ROBO2: variants seen among roughly 807,000 people sequenced by gnomAD.
ROBO2 encodes roundabout guidance receptor 2.
ROBO2 carries 53 observed loss-of-function variants against 160.8 expected under a neutral mutation model. That is an observed-to-expected ratio of 0.33 (90% CI 0.26 to 0.41). ROBO2 has a LOEUF of 0.41. ROBO2 is among the 10% of genes least tolerant of loss of function. The probability of loss-of-function intolerance (pLI) is 1.00; values close to 1 mark genes in which losing one functional copy is unlikely to be tolerated. For missense variants in ROBO2, 1,577 were observed against 1,722.4 expected, an observed-to-expected ratio of 0.92 and a Z score of 1.49; for synonymous variants, 664 against 611.7, an observed-to-expected ratio of 1.09 and a Z score of -1.26.
At chr3:76,862,446 A>G (rs2070888628) in intron 2 of ROBO2, among the ~76,000 whole-genome samples, 1 of 152,146 alleles carries the variant, frequency 6.6e-6, no homozygotes, top group Admixed American at 6.6e-5. Flanking sequence ...TAAGGAAATA[A>G]GAATCCAAAT....
In ROBO2 at chr3:76,386,595, A is replaced by G. The variant is rs569333589; in HGVS notation, c.109+448993A>G. Among the ~76,000 whole-genome samples the G allele has an allele frequency of 3.3e-5, 5 of 152,208 alleles. No homozygotes were observed. The East Asian group carries it at 7.8e-4, about 24-fold the overall frequency. On this transcript the variant is annotated intron_variant, in intron 2 of 26. Coordinates refer to the ROBO2 transcript ENST00000487694. ...TTCTTCAAAATGAGGCCAATTGTCT[A>G]TGTTGATCCTAGTGTGGCAGATGTT...
At chr3:76,084,999 A>G (rs1436296718) in intron 2 of ROBO2, among the ~76,000 whole-genome samples, 1 of 152,062 alleles carries the variant, frequency 6.6e-6, no homozygotes, top group African/African-American at 2.4e-5. Context: ...AATTTATGCA[A>G]CCTCATGTAA....
At chr3:76,676,482 T>C (rs2092411630) in intron 2 of ROBO2, among the ~76,000 whole-genome samples, 2 of 152,208 alleles carry the variant, frequency 1.3e-5, no homozygotes, top group South Asian at 4.1e-4. Context: ...AACGGACTAA[T>C]ACAACAAGGT....
chr3:76,321,849 T>C (rs1014101354), intron 2 of ROBO2, among the ~76,000 whole-genome samples: 3 of 152,132 alleles, frequency 2.0e-5, no homozygotes, highest in Non-Finnish European at 4.4e-5. Flanking sequence ...CTGTGTGCGT[T>C]ACCTGGGTGA....
At chr3:77,377,051 T>C (rs1259115842) in intron 2 of ROBO2, among the ~76,000 whole-genome samples, 3 of 152,352 alleles carry the variant, frequency 2.0e-5, no homozygotes, top group Admixed American at 6.5e-5. Flanking sequence ...TTAACAGTTC[T>C]TGTTTATTAA....
At chr3:75,961,412 A>C (rs1948906248) in intron 2 of ROBO2, among the ~76,000 whole-genome samples, 2 of 151,698 alleles carry the variant, frequency 1.3e-5, no homozygotes, top group African/African-American at 4.8e-5. Context: ...ACTCTGATAC[A>C]TTGCTAAGGA....
chr3:77,100,516 AG>A (rs950848631), intron 2 of ROBO2, among the ~76,000 whole-genome samples: 11 of 151,934 alleles, frequency 7.2e-5, no homozygotes, highest in Admixed American at 6.6e-4. Context: ...AAAATGACAG[AG>A]GAACAGCTGT....
intron 2 of ROBO2, among the ~76,000 whole-genome samples, chr3:76,642,904 A>G (rs1203278513): frequency 6.6e-6 from 1 of 152,232 alleles, no homozygotes; most frequent in Non-Finnish European, 1.5e-5. Context: ...CATTACTAAA[A>G]AAATCATTAA....
At chr3:77,184,056 T>C (rs954225722) in intron 2 of ROBO2, among the ~76,000 whole-genome samples, 1 of 151,978 alleles carries the variant, frequency 6.6e-6, no homozygotes, top group Non-Finnish European at 1.5e-5. Flanking sequence ...ATAAAAATAT[T>C]TATAGCTCTG....
intron 2 of ROBO2, among the ~76,000 whole-genome samples, chr3:77,005,022 T>C (rs1166333493): frequency 6.7e-6 from 1 of 148,988 alleles, no homozygotes; most frequent in Non-Finnish European, 1.5e-5. Context: ...AAACCATGGC[T>C]TCGGGGCTGC....
At chr3:76,677,932 T>G (rs1039098094) in intron 2 of ROBO2, among the ~76,000 whole-genome samples, 2 of 146,666 alleles carry the variant, frequency 1.4e-5, no homozygotes, top group Non-Finnish European at 3.0e-5. Flanking sequence ...TAGGATCTAT[T>G]TTCTCTCACA....
At chr3:77,444,693 G>C (rs1340114667) in intron 2 of ROBO2, among the ~76,000 whole-genome samples, 1 of 152,040 alleles carries the variant, frequency 6.6e-6, no homozygotes, top group Non-Finnish European at 1.5e-5. Context: ...AGTGGATGAC[G>C]TATAAAATCC....
At chr3:76,555,411 GAAGAAGAAA>G (rs1560141349) in intron 2 of ROBO2, among the ~76,000 whole-genome samples, 43 of 72,010 alleles carry the variant, frequency 6.0e-4, no homozygotes, top group African/African-American at 1.2e-3. Flanking sequence ...AGAAGAAGAA[GAAGAAGAAA>G]GAAGGAGAAG....
chr3:77,541,645 C>A (rs1040764491), intron 6 of ROBO2, among the ~76,000 whole-genome samples: 2 of 152,184 alleles, frequency 1.3e-5, no homozygotes, highest in African/African-American at 4.8e-5. Flanking sequence ...GTTGATTAAA[C>A]ACTAAATTGT....
intron 4 of ROBO2, among the ~76,000 whole-genome samples, chr3:77,482,482 A>G (rs2084823143): frequency 6.6e-6 from 1 of 152,176 alleles, no homozygotes; most frequent in South Asian, 2.1e-4. Context: ...CCTTTCAATC[A>G]TTCTGAGCAC....
intron 2 of ROBO2, among the ~76,000 whole-genome samples, chr3:76,566,355 C>G (rs192410389): frequency 6.6e-6 from 1 of 152,208 alleles, no homozygotes; most frequent in Non-Finnish European, 1.5e-5. Context: ...GGAGGCACAC[C>G]CCAGAGGCCT....
chr3:77,233,836 T>C (rs563846103), intron 2 of ROBO2, among the ~76,000 whole-genome samples: 1 of 152,336 alleles, frequency 6.6e-6, no homozygotes, highest in East Asian at 1.9e-4. Flanking sequence ...ATGAAATTTA[T>C]TTGCTTCTAA....
chr3:77,090,293 A>T (rs1388859574), intron 1 of ROBO2, among the ~76,000 whole-genome samples: 1 of 127,564 alleles, frequency 7.8e-6, no homozygotes, highest in Non-Finnish European at 1.7e-5. Flanking sequence ...TGATCCATAT[A>T]TATGATTTCT....
intron 2 of ROBO2, among the ~76,000 whole-genome samples, chr3:77,020,849 A>C (rs2062588016): frequency 6.6e-6 from 1 of 152,180 alleles, no homozygotes; most frequent in East Asian, 1.9e-4. Context: ...TTAGCACTTA[A>C]ATATTTTCTA....
Sources: allele counts gnomAD v4.1 joint callset (sites outside exome capture counted in the v4.1 genomes callset), GRCh38; gene constraint gnomAD v4.1.1; transcripts MANE v1.5; gene names NCBI Gene and HGNC (gene_info 2026-07-23, HGNC 2026-07-21).